NTM: variants seen among roughly 807,000 people sequenced by gnomAD.
NTM encodes IgLON family member 2.
Under a neutral mutation model 42.1 loss-of-function variants are expected in NTM, and 13 were observed. The ratio of observed to expected loss-of-function variants is 0.31; its 90% CI spans 0.20 to 0.49. The LOEUF is 0.49. Among genes scored for constraint, NTM ranks in the 20% least tolerant of loss-of-function variants. The pLI, the probability that NTM is intolerant of heterozygous loss-of-function variation, is 0.99. For synonymous variants in NTM, 187 were observed against 179.2 expected (o/e 1.04, Z -0.35); for missense variants, 373 against 452.8 (o/e 0.82, Z 1.60).
chr11:131,810,984 T>C (rs1185180158), intron 1 of NTM, among the ~76,000 whole-genome samples: 1 of 152,152 alleles, frequency 6.6e-6, no homozygotes, highest in Admixed American at 6.6e-5. Flanking sequence ...CTTCTAATAA[T>C]AAAATACTAA....
chr11:131,808,306 A>G (rs546195735), intron 1 of NTM, among the ~76,000 whole-genome samples: 17 of 152,312 alleles, frequency 1.1e-4, no homozygotes, highest in African/African-American at 3.9e-4. Context: ...GTCCAGTTGT[A>G]TCTCCAGGGG....
intron 3 of NTM, among the ~76,000 whole-genome samples, chr11:132,156,811 G>T (rs2073288619): frequency 6.6e-6 from 1 of 152,156 alleles, no homozygotes; most frequent in African/African-American, 2.4e-5. Context: ...TTAGTTTAAA[G>T]ATTTGAGATA....
intron 2 of NTM, among the ~76,000 whole-genome samples, chr11:132,138,565 T>G (rs954734985): frequency 4.9e-4 from 3 of 6,066 alleles, no homozygotes; most frequent in Non-Finnish European, 1.5e-3. Flanking sequence ...TTCAACAGAA[T>G]CTATCTATCT....
chr11:132,105,537 G>A (rs762145132), intron 2 of NTM, among the ~76,000 whole-genome samples: 3 of 152,072 alleles, frequency 2.0e-5, no homozygotes, highest in South Asian at 2.1e-4. Context: ...GGAAGACCAC[G>A]GTAAGCAGGA....
intron 4 of NTM, among the ~76,000 whole-genome samples, chr11:132,269,445 G>C (rs1343637578): frequency 1.3e-5 from 2 of 152,102 alleles, no homozygotes; most frequent in African/African-American, 4.8e-5. Flanking sequence ...CTACCGTTTG[G>C]TACTTCTCTA....
intron 2 of NTM, among the ~76,000 whole-genome samples, chr11:132,073,314 G>A (rs952338583): frequency 6.6e-6 from 1 of 152,178 alleles, no homozygotes; most frequent in Non-Finnish European, 1.5e-5. Context: ...CTAGAAAAAT[G>A]GGAGCAGAGG....
intron 3 of NTM, among the ~76,000 whole-genome samples, chr11:132,169,659 T>C (rs1307388963): frequency 6.6e-6 from 1 of 152,064 alleles, no homozygotes; most frequent in Non-Finnish European, 1.5e-5. Flanking sequence ...GAATACTTCT[T>C]AGACTGGCAG....
chr11:131,395,641 G>A (rs181783721), intron 1 of NTM, among the ~76,000 whole-genome samples: 15 of 152,218 alleles, frequency 9.9e-5, no homozygotes, highest in East Asian at 9.7e-4. Context: ...CATTAGAACC[G>A]CTCTGAGTTT....
At chr11:132,195,043 G>A (rs1233747390) in intron 3 of NTM, among the ~76,000 whole-genome samples, 2 of 151,676 alleles carry the variant, frequency 1.3e-5, no homozygotes, top group African/African-American at 4.8e-5. Context: ...GGTTGGTCTC[G>A]AACTCCTAAC....
At chr11:131,376,128 C>T (rs1222051617) in intron 1 of NTM, among the ~76,000 whole-genome samples, 4 of 152,176 alleles carry the variant, frequency 2.6e-5, no homozygotes, top group African/African-American at 9.7e-5. Flanking sequence ...CCTGTCTTCA[C>T]AGTTCACAAG....
chr11:131,699,261 A>C (rs192076347), intron 1 of NTM, among the ~76,000 whole-genome samples: 22 of 152,350 alleles, frequency 1.4e-4, no homozygotes, highest in African/African-American at 5.1e-4. Flanking sequence ...CGTACTTTCC[A>C]GGAATAAATT....
At chr11:131,936,759 G>A (rs189636831) in intron 2 of NTM, among the ~76,000 whole-genome samples, 12 of 152,260 alleles carry the variant, frequency 7.9e-5, no homozygotes, top group African/African-American at 2.4e-4. Context: ...ACTATGATAC[G>A]TCAATGGATG....
intron 2 of NTM, among the ~76,000 whole-genome samples, chr11:132,122,458 G>A (rs1345002905): frequency 6.6e-6 from 1 of 152,190 alleles, no homozygotes; most frequent in East Asian, 1.9e-4. Context: ...ATGAATACTT[G>A]TAACCTAAAC....
At chr11:131,784,974 T>C (rs1026835652) in intron 1 of NTM, among the ~76,000 whole-genome samples, 1 of 152,178 alleles carries the variant, frequency 6.6e-6, no homozygotes. Context: ...CAACTCTACC[T>C]GATATAATAG....
At chr11:131,385,081 A>G (rs922948077) in intron 1 of NTM, among the ~76,000 whole-genome samples, 8 of 152,222 alleles carry the variant, frequency 5.3e-5, no homozygotes, top group Admixed American at 2.6e-4. Flanking sequence ...GGAGGCCATC[A>G]TGTGGCATCC....
chr11:131,778,349 T>C lies in NTM; in HGVS notation c.83-133215T>C, dbSNP rs77489016. Among the ~76,000 whole-genome samples, 11 of 152,382 alleles carry C rather than the reference T, an allele frequency of 7.2e-5. No individual in the cohort carries two copies. The East Asian group carries it at 2.1e-3, about 29-fold the overall frequency. On this transcript the variant is annotated intron_variant, in intron 1 of 8. Coordinates refer to ENST00000683400, the MANE Select transcript of NTM (RefSeq NM_001352005.2). ...TTCAAAAGCCATCAACTACATTCTT[T>C]GAATGTTGCTTAAGATTCTATTTGG...
intron 1 of NTM, among the ~76,000 whole-genome samples, chr11:131,791,844 C>T (rs2090983083): frequency 1.3e-5 from 2 of 152,146 alleles, no homozygotes; most frequent in Admixed American, 6.5e-5. Context: ...CTGAGCTTAG[C>T]TGGTTGTTTA....
At chr11:132,055,134 G>C (rs2079428482) in intron 2 of NTM, among the ~76,000 whole-genome samples, 2 of 152,200 alleles carry the variant, frequency 1.3e-5, no homozygotes, top group Non-Finnish European at 2.9e-5. Context: ...CTTGAGGTTG[G>C]ATCATATGTG....
chr11:131,498,220 A>C (rs1955553181), intron 1 of NTM, among the ~76,000 whole-genome samples: 1 of 152,144 alleles, frequency 6.6e-6, no homozygotes, highest in African/African-American at 2.4e-5. Context: ...AGACAGACCC[A>C]AGTTCAAACT....
Sources: allele counts gnomAD v4.1 joint callset (sites outside exome capture counted in the v4.1 genomes callset), GRCh38; gene constraint gnomAD v4.1.1; transcripts MANE v1.5; gene names NCBI Gene and HGNC (gene_info 2026-07-23, HGNC 2026-07-21).